Variants in SAP130 observed in about 807,000 individuals in gnomAD.
SAP130 encodes histone deacetylase complex subunit SAP130.
In SAP130, 16 loss-of-function variants were observed where a neutral mutation model predicts 103.2. The ratio of observed to expected loss-of-function variants is 0.16; its 90% confidence interval spans 0.10 to 0.24. SAP130 has a LOEUF of 0.24. SAP130 is among the 10% of genes least tolerant of loss of function. The probability of loss-of-function intolerance (pLI) is 1.00; values close to 1 mark genes in which losing one functional copy is unlikely to be tolerated. For missense variants in SAP130, 990 were observed against 1,359.7 expected, an observed-to-expected ratio of 0.73 and a Z score of 4.28; for synonymous variants, 477 against 497.0, an observed-to-expected ratio of 0.96 and a Z score of 0.53.
At chr2:128,007,815 C>A (rs376147465) in intron 7 of SAP130, among the ~76,000 whole-genome samples, 24 of 152,296 alleles carry the variant, frequency 1.6e-4, no homozygotes, top group Middle Eastern at 6.8e-3. Context: ...CCTGGATAGA[C>A]ACCTGAAGGC....
chr2:128,012,859 A>G (rs546616200), intron 6 of SAP130, among the ~76,000 whole-genome samples, 171 bp downstream of exon 6: 1 of 150,368 alleles, frequency 6.7e-6, no homozygotes, highest in Non-Finnish European at 1.5e-5. Context: ...AAGGCTTCCC[A>G]CCATCTCTCC....
At chr2:127,944,651 C>A (rs1273744985) in intron 19 of SAP130, among the ~76,000 whole-genome samples, 6 of 152,200 alleles carry the variant, frequency 3.9e-5, no homozygotes, top group Admixed American at 3.3e-4. Flanking sequence ...TGGTCTCGAA[C>A]TCCTGACCTC....
intron 6 of SAP130, among the ~76,000 whole-genome samples, chr2:128,012,126 T>C (rs185121525): frequency 6.6e-6 from 1 of 152,316 alleles, no homozygotes; most frequent in Admixed American, 6.5e-5. Flanking sequence ...AATCTCATCT[T>C]TCAACAGTAT....
chr2:127,941,684 C>G lies in SAP130; in HGVS notation c.*322G>C. On this transcript the variant is annotated 3_prime_UTR_variant, in exon 21 of 21. Coordinates refer to ENST00000643581, the MANE Select transcript of SAP130 (RefSeq NM_001330301.2). ...CAGGAATCCACTAGATAAATACAGTCTATAAACCGGAAGGCTGAAAAACAC... is the reference window on the plus strand; with the variant it reads ...CAGGAATCCACTAGATAAATACAGTGTATAAACCGGAAGGCTGAAAAACAC... 3.0e-6 allele frequency: 1 copy of G among 336,926 alleles called. No individual in the cohort carries two copies. Among genetic ancestry groups the G allele is most frequent in the Non-Finnish European group, 5.4e-6 (1 of 185,316 alleles). 20.9% of individuals were successfully genotyped at this position (336,926 alleles called of 1,614,324 possible). A position where few individuals can be genotyped will look rare whatever the true frequency, so the allele number is the denominator to read the frequency against.
intron 15 of SAP130, among the ~76,000 whole-genome samples, chr2:127,961,289 C>A (rs960128148): frequency 6.7e-6 from 1 of 149,002 alleles, no homozygotes; most frequent in Non-Finnish European, 1.5e-5. Context: ...CAGGGGTGTA[C>A]CACCATGCCC....
intron 18 of SAP130, among the ~76,000 whole-genome samples, chr2:127,949,469 C>A (rs535168664): frequency 2.0e-5 from 3 of 152,278 alleles, no homozygotes; most frequent in African/African-American, 2.4e-5. Flanking sequence ...GAAATGCTTA[C>A]AATGCATGCG....
intron 1 of SAP130, chr2:128,027,432 G>A (rs949159875): frequency 9.0e-7 from 1 of 1,115,958 alleles, no homozygotes; most frequent in African/African-American, 1.7e-5. Context: ...CAGCCAATCA[G>A]GCGCGAGCCT....
intron 15 of SAP130, among the ~76,000 whole-genome samples, chr2:127,964,262 G>A (rs912322671): frequency 1.3e-5 from 2 of 152,114 alleles, no homozygotes; most frequent in Admixed American, 6.5e-5. Flanking sequence ...GGGAGGCCAA[G>A]GAAGGCAGAT....
chr2:127,953,105 A>G lies in SAP130; in HGVS notation c.2422+1881T>C, dbSNP rs1267278235. ...GACATCTGAAACTTACCCTATCAAA[A>G]ACTAAACTCCTAATCTTTCCCTACA... On this transcript the variant is annotated intron_variant, in intron 16 of 20. Transcript: ENST00000643581. This position sits in a 1 kb window ranked among gnomAD's most constrained non-coding sequence, Gnocchi z 4.0. 6.6e-6 allele frequency among the ~76,000 whole-genome samples: 1 copy of G among 152,210 alleles called. No homozygotes were observed. Among genetic ancestry groups the G allele is most frequent in the East Asian group, 1.9e-4 (1 of 5,202 alleles).
chr2:127,980,377 TG>T (rs1252600381), intron 14 of SAP130, among the ~76,000 whole-genome samples: 1 of 152,094 alleles, frequency 6.6e-6, no homozygotes, highest in Non-Finnish European at 1.5e-5. Context: ...TCACAAAGAC[TG>T]CCCAGAACAA....
chr2:127,961,305 ATTT>A (rs70985491), intron 15 of SAP130, among the ~76,000 whole-genome samples: 2 of 142,506 alleles, frequency 1.4e-5, no homozygotes, highest in African/African-American at 2.6e-5. Flanking sequence ...TGCCCAGCTA[ATTT>A]TTTTTTTTTT....
At chr2:128,011,053 A>G (rs1298923578) in intron 6 of SAP130, among the ~76,000 whole-genome samples, 1 of 151,400 alleles carries the variant, frequency 6.6e-6, no homozygotes, top group Non-Finnish European at 1.5e-5. Context: ...TACCAATGGG[A>G]TCTCACCCTT....
At position 127,993,386 on chromosome 2, in the gene SAP130, T is replaced by C. The variant is rs1682953328; in HGVS notation, c.1356-78A>G. 7 of 1,453,732 alleles carry C rather than the reference T, an allele frequency of 4.8e-6. No individual in the cohort carries two copies. In the East Asian group the frequency reaches 1.5e-4, roughly 30 times the overall value. The allele number at this position is 1,453,732 out of a possible 1,614,324, so 90.1% of individuals were successfully genotyped here. On this transcript the variant is annotated intron_variant, in intron 11 of 20. Transcript: ENST00000643581. ...TCAAATGATCCTATACCCCAGTTCC[T>C]CTTTGTGTCCTTCAGAACTGTCAAA...
In SAP130 at chr2:127,996,208, T is replaced by C. The variant is rs1683165327; in HGVS notation, c.1355+142A>G. The C allele has an allele frequency of 1.3e-6, 1 of 745,750 alleles. No homozygotes were observed. The highest frequency in any genetic ancestry group is 1.8e-5 in the African/African-American group (1 of 55,238). 46.2% of individuals were successfully genotyped at this position (745,750 alleles called of 1,614,324 possible). A position where few individuals can be genotyped will look rare whatever the true frequency, so the allele number is the denominator to read the frequency against. On this transcript the variant is annotated intron_variant, in intron 11 of 20. Transcript: ENST00000643581. The surrounding 1 kb of genome is among the most constrained non-coding windows in gnomAD (Gnocchi z 4.3). Reference sequence around the variant, plus strand: ...AAATCGCACATAAAAAAAGGAATTATACGAAGTGTTACTTTCAGGGGAAAA... The same window carrying C: ...AAATCGCACATAAAAAAAGGAATTACACGAAGTGTTACTTTCAGGGGAAAA...
chr2:127,977,527 T>G (rs1351628561), intron 15 of SAP130, among the ~76,000 whole-genome samples: 2 of 151,512 alleles, frequency 1.3e-5, no homozygotes, highest in Non-Finnish European at 2.9e-5. Context: ...AAATAAATAC[T>G]GTCACGATGT....
chr2:127,994,590 T>C (rs1418497999), intron 11 of SAP130, among the ~76,000 whole-genome samples: 3 of 152,016 alleles, frequency 2.0e-5, no homozygotes, highest in African/African-American at 7.3e-5. Flanking sequence ...AGACCTCATC[T>C]CTACAAAAAA....
chr2:128,009,430 C>T (rs1240490657), intron 7 of SAP130, among the ~76,000 whole-genome samples: 1 of 152,094 alleles, frequency 6.6e-6, no homozygotes, highest in Non-Finnish European at 1.5e-5. Context: ...ATGATCGTGC[C>T]ACTATACTCC....
intron 7 of SAP130, among the ~76,000 whole-genome samples, chr2:128,001,925 A>G: frequency 6.6e-6 from 1 of 151,910 alleles, no homozygotes; most frequent in Admixed American, 6.5e-5. Context: ...AGAAGGAGTG[A>G]AAAAAACTTT....
chr2:127,954,377 T>C (rs1679688952), intron 16 of SAP130, among the ~76,000 whole-genome samples: 1 of 152,012 alleles, frequency 6.6e-6, no homozygotes, highest in East Asian at 1.9e-4. Context: ...GATTTGTTTA[T>C]ACTTCACACA....
Sources: allele counts gnomAD v4.1 joint callset (sites outside exome capture counted in the v4.1 genomes callset), GRCh38; gene constraint gnomAD v4.1.1; non-coding constraint Gnocchi (gnomAD v3.1); transcripts MANE v1.5; gene names NCBI Gene and HGNC (gene_info 2026-07-23, HGNC 2026-07-21).